WWOX: variants seen among roughly 807,000 people sequenced by gnomAD.
WWOX encodes the protein WW domain containing oxidoreductase.
In WWOX, 69 loss-of-function variants were observed where a neutral mutation model predicts 46.2. That is an observed-to-expected ratio of 1.49 (90% CI 1.23 to 1.82). The LOEUF (loss-of-function observed/expected upper bound fraction) is 1.82, where lower values mean the gene tolerates loss of function less well. Among genes scored for constraint, WWOX ranks in the 40% most tolerant of loss-of-function variants. The pLI, the probability that WWOX is intolerant of heterozygous loss-of-function variation, is 0.00. For synonymous variants in WWOX, 359 were observed against 202.6 expected, an observed-to-expected ratio of 1.77 and a Z score of -6.56; for missense variants, 919 against 542.6, an observed-to-expected ratio of 1.69 and a Z score of -6.89.
At chr16:78,897,370 C>G (rs2044728118) in intron 8 of WWOX, 1 of 151,092 alleles carries the variant, frequency 6.6e-6, no homozygotes, top group South Asian at 2.1e-4. Flanking sequence ...TTGTTTCAAT[C>G]ATTGTAACTT....
chr16:79,037,412 G>A (rs948930388), intron 8 of WWOX, among the ~76,000 whole-genome samples: 7 of 152,114 alleles, frequency 4.6e-5, no homozygotes, highest in Non-Finnish European at 1.0e-4. Flanking sequence ...TGTGATTATC[G>A]ATGATGCTGT....
At chr16:78,486,052 T>A (rs566311451) in intron 8 of WWOX, among the ~76,000 whole-genome samples, 3 of 152,330 alleles carry the variant, frequency 2.0e-5, no homozygotes, top group East Asian at 3.9e-4. Flanking sequence ...AAACAAAATT[T>A]CCTTGTGAAT....
At chr16:78,439,087 T>C (rs1371447689) in intron 8 of WWOX, among the ~76,000 whole-genome samples, 1 of 152,190 alleles carries the variant, frequency 6.6e-6, no homozygotes, top group Non-Finnish European at 1.5e-5. Flanking sequence ...ATAGATACTA[T>C]CAAGGGCAAA....
chr16:78,648,061 C>G (rs1331313278), intron 8 of WWOX, among the ~76,000 whole-genome samples: 1 of 152,208 alleles, frequency 6.6e-6, no homozygotes, highest in African/African-American at 2.4e-5. Flanking sequence ...CTTATTCACC[C>G]AGAACAGGTG....
chr16:78,152,671 AC>A (rs1303955633), intron 4 of WWOX, among the ~76,000 whole-genome samples: 5 of 152,204 alleles, frequency 3.3e-5, no homozygotes, highest in Admixed American at 6.5e-5. Context: ...CAGGACTGTC[AC>A]TGGCAGGTTA....
intron 8 of WWOX, among the ~76,000 whole-genome samples, chr16:78,888,129 C>T (rs549002306): frequency 6.6e-6 from 1 of 152,086 alleles, no homozygotes; most frequent in African/African-American, 2.4e-5. Flanking sequence ...AGTGTCAGTG[C>T]CATTTACAAC....
intron 8 of WWOX, among the ~76,000 whole-genome samples, chr16:78,626,483 A>G (rs1025934230): frequency 6.6e-6 from 1 of 152,170 alleles, no homozygotes; most frequent in Non-Finnish European, 1.5e-5. Flanking sequence ...ACTGGAGTTA[A>G]TGAATTTCAG....
At chr16:78,498,565 A>G (rs957771062) in intron 8 of WWOX, among the ~76,000 whole-genome samples, 1 of 152,182 alleles carries the variant, frequency 6.6e-6, no homozygotes, top group Admixed American at 6.5e-5. Context: ...CCTTTGGCCT[A>G]AAGGGTAATG....
intron 6 of WWOX, among the ~76,000 whole-genome samples, chr16:78,398,381 C>A (rs140304101): frequency 3.9e-5 from 6 of 152,254 alleles, no homozygotes; most frequent in African/African-American, 1.4e-4. Context: ...TCCCACTTGT[C>A]CATCATCATG....
Position 78,652,489 on chromosome 16 carries a change from C to T in WWOX, c.1056+219737C>T, listed in dbSNP as rs752380940. On this transcript the variant is annotated intron_variant, in intron 8 of 8. Coordinates refer to ENST00000566780, the MANE Select transcript of WWOX (RefSeq NM_016373.4). The stretch of plus-strand genomic sequence containing the variant: ...CATGAATTCCAAATACAATTGAGGA[C>T]TCTATAAAGGACTATAAAAAAAGTT... Among the ~76,000 whole-genome samples, 10 of 150,212 alleles carry T rather than the reference C, an allele frequency of 6.7e-5. No homozygotes were observed. In the East Asian group the frequency reaches 2.0e-3, roughly 29 times the overall value.
chr16:78,777,637 A>G (rs1488107478), intron 8 of WWOX, among the ~76,000 whole-genome samples: 1 of 152,172 alleles, frequency 6.6e-6, no homozygotes, highest in African/African-American at 2.4e-5. Flanking sequence ...TGCAATAGTC[A>G]AAAAAGACCT....
chr16:78,799,054 C>G (rs775042895), intron 8 of WWOX, among the ~76,000 whole-genome samples: 2 of 152,176 alleles, frequency 1.3e-5, no homozygotes, highest in Non-Finnish European at 2.9e-5. Flanking sequence ...CTTGTATCGT[C>G]TATACCTTGT....
At chr16:79,097,841 G>A (rs8062989) in intron 8 of WWOX, among the ~76,000 whole-genome samples, 56,473 of 152,038 alleles carry the variant, frequency 0.37, 12,435 homozygotes, top group African/African-American at 0.62. Flanking sequence ...GTTCAGATCT[G>A]TTGATTTTGA....
intron 4 of WWOX, among the ~76,000 whole-genome samples, chr16:78,124,691 G>T (rs1198772163): frequency 1.3e-5 from 2 of 152,192 alleles, no homozygotes; most frequent in African/African-American, 4.8e-5. Flanking sequence ...TGCATAGGAA[G>T]GGTTGCATTG....
chr16:78,944,526 T>G (rs903380400), intron 8 of WWOX, among the ~76,000 whole-genome samples: 1 of 152,216 alleles, frequency 6.6e-6, no homozygotes, highest in African/African-American at 2.4e-5. Flanking sequence ...TGATTTGTCT[T>G]GCTGTATCGA....
chr16:78,176,479 C>T (rs144130171), intron 5 of WWOX, among the ~76,000 whole-genome samples: 131 of 152,264 alleles, frequency 8.6e-4, no homozygotes, highest in Middle Eastern at 3.4e-3. Flanking sequence ...ACTTATTTAC[C>T]GGCAATTCTC....
At chr16:78,574,049 T>C (rs1479888868) in intron 8 of WWOX, among the ~76,000 whole-genome samples, 1 of 152,164 alleles carries the variant, frequency 6.6e-6, no homozygotes, top group Non-Finnish European at 1.5e-5. Flanking sequence ...CAGACTTTAT[T>C]TCCTTGTAGC....
chr16:79,054,384 G>T (rs976777119), intron 8 of WWOX, among the ~76,000 whole-genome samples: 1 of 152,162 alleles, frequency 6.6e-6, no homozygotes, highest in Non-Finnish European at 1.5e-5. Flanking sequence ...AGCTTGTTCA[G>T]TTGCATCCTA....
intron 8 of WWOX, among the ~76,000 whole-genome samples, chr16:78,945,158 T>A (rs554715057): frequency 2.2e-4 from 33 of 152,072 alleles, no homozygotes; most frequent in African/African-American, 7.2e-4. Flanking sequence ...CCACCCTGGG[T>A]GACAGAGTGA....
Sources: gnomAD v4.1 joint callset for allele counts (sites outside exome capture counted in the v4.1 genomes callset) on GRCh38, gnomAD v4.1.1 for gene constraint, MANE v1.5 for transcripts, NCBI Gene and HGNC (gene_info 2026-07-23, HGNC 2026-07-21) for gene names.